Variants in ASAP1 observed in about 807,000 individuals in gnomAD.
The protein encoded by ASAP1 is arf-GAP with SH3 domain, ANK repeat and PH domain-containing protein 1.
A neutral mutation model predicts 145.2 loss-of-function variants in ASAP1; 43 were observed. The ratio of observed to expected loss-of-function variants is 0.30; its 90% CI spans 0.23 to 0.38. The LOEUF (loss-of-function observed/expected upper bound fraction) is 0.38, where lower values mean the gene tolerates loss of function less well. ASAP1 is among the 10% of genes least tolerant of loss of function. ASAP1 has a pLI of 1.00. For synonymous variants in ASAP1, 546 were observed against 515.5 expected, an observed-to-expected ratio of 1.06 and a Z score of -0.80; for missense variants, 1,018 against 1,355.3, an observed-to-expected ratio of 0.75 and a Z score of 3.91.
At chr8:130,425,941 G>A (rs1829899793) in intron 1 of ASAP1, among the ~76,000 whole-genome samples, 1 of 152,150 alleles carries the variant, frequency 6.6e-6, no homozygotes, top group South Asian at 2.1e-4. Context: ...GAGTTCAGCC[G>A]TCCCCACCAC....
At chr8:130,241,187 C>T (rs1455427291) in intron 3 of ASAP1, among the ~76,000 whole-genome samples, 2 of 152,110 alleles carry the variant, frequency 1.3e-5, no homozygotes, top group African/African-American at 4.8e-5. Context: ...ATGACTGGCT[C>T]TTTCTTCTTA....
chr8:130,078,868 C>T (rs2097471263), intron 26 of ASAP1, among the ~76,000 whole-genome samples: 2 of 151,950 alleles, frequency 1.3e-5, no homozygotes, highest in African/African-American at 4.8e-5. Context: ...GGGCCTATCT[C>T]ACAGGGTTAT....
At chr8:130,076,437 TA>T in intron 26 of ASAP1, 31 bp from the exon 27 acceptor site, 1 of 1,493,952 alleles carries the variant, frequency 6.7e-7, no homozygotes, top group Non-Finnish European at 9.3e-7. Flanking sequence ...ATTTAGGATC[TA>T]AAAGTGCTAG....
At chr8:130,362,222 C>G (rs1315138686) in intron 2 of ASAP1, among the ~76,000 whole-genome samples, 1 of 152,074 alleles carries the variant, frequency 6.6e-6, no homozygotes, top group Non-Finnish European at 1.5e-5. Context: ...GATGACTGAC[C>G]AGAAACCAGA....
intron 1 of ASAP1, among the ~76,000 whole-genome samples, chr8:130,432,850 T>C (rs1315601291): frequency 6.6e-6 from 1 of 152,128 alleles, no homozygotes; most frequent in Non-Finnish European, 1.5e-5. Context: ...CCTAACCCAA[T>C]CACTGCCAAG....
At chr8:130,199,044 T>C (rs533954339) in intron 5 of ASAP1, among the ~76,000 whole-genome samples, 1 of 152,324 alleles carries the variant, frequency 6.6e-6, no homozygotes, top group African/African-American at 2.4e-5. Flanking sequence ...TCTGTCTCCA[T>C]GTCACTTTCT....
chr8:130,319,586 T>G (rs573420360), intron 3 of ASAP1, among the ~76,000 whole-genome samples: 70 of 152,278 alleles, frequency 4.6e-4, no homozygotes, highest in African/African-American at 1.6e-3. Context: ...CACACTGGCA[T>G]CCACTGGTGG....
intron 3 of ASAP1, among the ~76,000 whole-genome samples, chr8:130,350,568 T>C (rs1401779724): frequency 6.6e-6 from 1 of 152,236 alleles, no homozygotes; most frequent in Admixed American, 6.5e-5. Flanking sequence ...ACTGAGCTGA[T>C]GCATTTCAGC....
At chr8:130,172,377 A>G (rs1455328033) in intron 9 of ASAP1, among the ~76,000 whole-genome samples, 2 of 152,334 alleles carry the variant, frequency 1.3e-5, no homozygotes, top group Non-Finnish European at 1.5e-5. Flanking sequence ...AATCACCACT[A>G]AATAACTTAT....
intron 2 of ASAP1, among the ~76,000 whole-genome samples, chr8:130,370,460 G>C (rs1412165786): frequency 6.6e-6 from 1 of 152,172 alleles, no homozygotes; most frequent in Non-Finnish European, 1.5e-5. Context: ...CCAGCTTTCA[G>C]AACTGAGAGA....
intron 20 of ASAP1, among the ~76,000 whole-genome samples, chr8:130,117,829 T>C (rs1026544744): frequency 1.3e-5 from 2 of 152,204 alleles, no homozygotes; most frequent in Non-Finnish European, 2.9e-5. Flanking sequence ...AGACATAATT[T>C]TACATTTATA....
At chr8:130,121,781 T>C (rs1303139476) in intron 18 of ASAP1, among the ~76,000 whole-genome samples, 1 of 39,690 alleles carries the variant, frequency 2.5e-5, no homozygotes, top group Non-Finnish European at 4.5e-5. Flanking sequence ...TGAAATTCCA[T>C]CTCAAAAAAA....
chr8:130,070,686 G>A (rs2097441226), intron 27 of ASAP1, among the ~76,000 whole-genome samples: 1 of 151,578 alleles, frequency 6.6e-6, no homozygotes, highest in South Asian at 2.1e-4. Context: ...TACCCATGCT[G>A]TCTCAGGTGA....
intron 1 of ASAP1, among the ~76,000 whole-genome samples, chr8:130,419,102 G>T (rs1829610174): frequency 6.6e-6 from 1 of 152,178 alleles, no homozygotes; most frequent in Non-Finnish European, 1.5e-5. Context: ...CGCACGCATT[G>T]TCTCACCCCA....
chr8:130,246,318 T>C (rs927220434), intron 3 of ASAP1, among the ~76,000 whole-genome samples: 1 of 152,082 alleles, frequency 6.6e-6, no homozygotes, highest in African/African-American at 2.4e-5. Flanking sequence ...AATTCAGCAA[T>C]GTGTACAGAG....
intron 3 of ASAP1, among the ~76,000 whole-genome samples, chr8:130,301,206 C>T (rs1033492889): frequency 1.3e-5 from 2 of 152,158 alleles, no homozygotes; most frequent in Admixed American, 6.5e-5. Context: ...TACCTTCCCC[C>T]ACCTCTTAAC....
intron 1 of ASAP1, among the ~76,000 whole-genome samples, chr8:130,429,590 G>A (rs1830066721): frequency 6.6e-6 from 1 of 152,168 alleles, no homozygotes; most frequent in Non-Finnish European, 1.5e-5. Flanking sequence ...AAGCAGCGTT[G>A]TTTCTGGTGT....
chr8:130,230,468 G>A (rs866276327), intron 4 of ASAP1, among the ~76,000 whole-genome samples: 31 of 152,072 alleles, frequency 2.0e-4, no homozygotes, highest in African/African-American at 7.0e-4. Context: ...ATAATTTAAG[G>A]AGTAATGCTC....
intron 9 of ASAP1, among the ~76,000 whole-genome samples, chr8:130,178,390 A>G (rs1053121726): frequency 1.4e-4 from 22 of 152,360 alleles, no homozygotes; most frequent in Admixed American, 6.5e-5. Flanking sequence ...AGTTAACCCA[A>G]TAAGTAAACA....
Sources: allele counts gnomAD v4.1 joint callset (sites outside exome capture counted in the v4.1 genomes callset), GRCh38; gene constraint gnomAD v4.1.1; transcripts MANE v1.5; gene names NCBI Gene and HGNC (gene_info 2026-07-23, HGNC 2026-07-21).